The following PALM2AKAP2 variants were observed in gnomAD, a reference collection of about 807,000 sequenced individuals.
PALM2AKAP2 encodes the protein PALM2-AKAP2 fusion protein.
PALM2AKAP2 carries 37 observed loss-of-function variants against 71.5 expected under a neutral mutation model. That is an observed-to-expected ratio of 0.52 (90% CI 0.40 to 0.68). The LOEUF (loss-of-function observed/expected upper bound fraction) is 0.68, where lower values mean the gene tolerates loss of function less well. Ranked by LOEUF, PALM2AKAP2 falls within the 30% of genes least tolerant of loss-of-function variation. The pLI is 0.00. For synonymous variants in PALM2AKAP2, 468 were observed against 478.8 expected (o/e 0.98, Z 0.29); for missense variants, 1,224 against 1,191.8 (o/e 1.03, Z -0.40).
chr9:109,784,918 TC>T (rs1229260272), intron 1 of PALM2AKAP2, among the ~76,000 whole-genome samples: 1 of 152,238 alleles, frequency 6.6e-6, no homozygotes, highest in Admixed American at 6.5e-5. Flanking sequence ...TGAGAGTCTT[TC>T]AAGCCTGGAT....
At chr9:110,097,754 G>A (rs529063865) in intron 1 of PALM2AKAP2, among the ~76,000 whole-genome samples, 2,876 of 143,674 alleles carry the variant, frequency 0.02, 161 homozygotes, top group African/African-American at 0.077. Flanking sequence ...CTTCCCAGAC[G>A]GGGTGGCGGC....
chr9:109,887,714 A>G (rs995849127), intron 3 of PALM2AKAP2, among the ~76,000 whole-genome samples: 1 of 152,154 alleles, frequency 6.6e-6, no homozygotes, highest in African/African-American at 2.4e-5. Context: ...CAATGGAAGG[A>G]CATACAAGAT....
intron 1 of PALM2AKAP2, among the ~76,000 whole-genome samples, chr9:110,116,501 C>G (rs1835366696): frequency 6.6e-6 from 1 of 152,148 alleles, no homozygotes; most frequent in African/African-American, 2.4e-5. Flanking sequence ...AAAAAAATGA[C>G]TATTGCTTAG....
intron 1 of PALM2AKAP2, among the ~76,000 whole-genome samples, chr9:109,774,726 A>G (rs1829325312): frequency 6.6e-6 from 1 of 152,166 alleles, no homozygotes; most frequent in South Asian, 2.1e-4. Context: ...AAGTTGGTCC[A>G]TGGCATTTTT....
chr9:109,726,197 A>G (rs752386885), intron 1 of PALM2AKAP2, among the ~76,000 whole-genome samples: 11 of 152,208 alleles, frequency 7.2e-5, no homozygotes, highest in Non-Finnish European at 1.5e-4. Flanking sequence ...GAGCATAGAC[A>G]TATGACCTGG....
At chr9:109,890,407 T>C (rs957265307) in intron 3 of PALM2AKAP2, among the ~76,000 whole-genome samples, 2 of 152,220 alleles carry the variant, frequency 1.3e-5, no homozygotes, top group African/African-American at 4.8e-5. Context: ...GGTCTAGGCG[T>C]GGAGCCCTCC....
At chr9:110,001,361 C>G (rs535769879) in intron 6 of PALM2AKAP2, among the ~76,000 whole-genome samples, 17 of 152,220 alleles carry the variant, frequency 1.1e-4, no homozygotes, top group African/African-American at 3.9e-4. Flanking sequence ...CTGTTCTGTT[C>G]CATTGGTCTA....
chr9:110,078,633 C>T (rs1199605518), intron 1 of PALM2AKAP2, among the ~76,000 whole-genome samples: 1 of 152,166 alleles, frequency 6.6e-6, no homozygotes, highest in Non-Finnish European at 1.5e-5. Context: ...TTCTCTTGCA[C>T]TGAGGGTAAT....
At chr9:109,648,569 G>T (rs74561398) in intron 1 of PALM2AKAP2, among the ~76,000 whole-genome samples, 1 of 152,172 alleles carries the variant, frequency 6.6e-6, no homozygotes, top group Non-Finnish European at 1.5e-5. Context: ...AGTGATGGGA[G>T]GGTTATTTTT....
At chr9:109,838,601 A>T (rs1442037700) in intron 1 of PALM2AKAP2, among the ~76,000 whole-genome samples, 1 of 152,186 alleles carries the variant, frequency 6.6e-6, no homozygotes, top group Non-Finnish European at 1.5e-5. Flanking sequence ...TGGTTTTTTG[A>T]AAAGATCAAC....
chr9:109,999,932 C>G (rs1832650030), intron 6 of PALM2AKAP2, among the ~76,000 whole-genome samples: 1 of 149,676 alleles, frequency 6.7e-6, no homozygotes, highest in African/African-American at 2.5e-5. Context: ...TAGATTCTTC[C>G]TTTTCTTTCC....
chr9:109,810,848 C>T (rs543282924), intron 1 of PALM2AKAP2, among the ~76,000 whole-genome samples: 2 of 152,220 alleles, frequency 1.3e-5, no homozygotes, highest in Non-Finnish European at 1.5e-5. Context: ...AATAGAGAGG[C>T]TGTTCTTGTG....
chr9:109,926,738 C>A (rs1830966415), intron 5 of PALM2AKAP2, among the ~76,000 whole-genome samples: 1 of 151,972 alleles, frequency 6.6e-6, no homozygotes, highest in Non-Finnish European at 1.5e-5. Flanking sequence ...CTAGACATCT[C>A]TCTGATACTT....
At chr9:109,816,788 G>C (rs1827865415) in intron 1 of PALM2AKAP2, among the ~76,000 whole-genome samples, 1 of 152,172 alleles carries the variant, frequency 6.6e-6, no homozygotes, top group Non-Finnish European at 1.5e-5. Flanking sequence ...GGGAACAGAT[G>C]AGACTTTTTC....
intron 1 of PALM2AKAP2, among the ~76,000 whole-genome samples, chr9:109,675,958 A>C (rs1166048362): frequency 1.3e-5 from 2 of 152,224 alleles, no homozygotes; most frequent in Non-Finnish European, 2.9e-5. Flanking sequence ...CTCTTAAAGA[A>C]TGCTAAATTT....
At chr9:109,767,128 GTT>G (rs1219059159) in intron 1 of PALM2AKAP2, among the ~76,000 whole-genome samples, 1 of 152,184 alleles carries the variant, frequency 6.6e-6, no homozygotes, top group African/African-American at 2.4e-5. Context: ...ATTTTCTCAA[GTT>G]TAAACTCACC....
At chr9:109,643,941 A>G (rs1442685356) in intron 1 of PALM2AKAP2, among the ~76,000 whole-genome samples, 1 of 152,144 alleles carries the variant, frequency 6.6e-6, no homozygotes, top group Non-Finnish European at 1.5e-5. Flanking sequence ...TCATGGAGAA[A>G]GGTGAAGCAG....
At chr9:110,035,849 A>G (rs571624365) in intron 7 of PALM2AKAP2, among the ~76,000 whole-genome samples, 2 of 139,838 alleles carry the variant, frequency 1.4e-5, no homozygotes, top group African/African-American at 2.5e-5. Context: ...TATAATATAT[A>G]TGATATGTTG....
At chr9:110,046,564 G>A (rs572622329), upstream of PALM2AKAP2, among the ~76,000 whole-genome samples, 18 of 147,566 alleles carry the variant, frequency 1.2e-4, no homozygotes, top group Admixed American at 7.7e-4. Flanking sequence ...TGCCTCCCAC[G>A]TTCAAACAAT....
Sources: allele counts gnomAD v4.1 joint callset (sites outside exome capture counted in the v4.1 genomes callset), GRCh38; gene constraint gnomAD v4.1.1; transcripts MANE v1.5; gene names NCBI Gene and HGNC (gene_info 2026-07-23, HGNC 2026-07-21).